The following ZNF454 variants were observed in gnomAD, a reference collection of about 807,000 sequenced individuals.
ZNF454 encodes zinc finger protein 454.
Under a neutral mutation model 48.2 loss-of-function variants are expected in ZNF454, and 30 were observed. The ratio of observed to expected loss-of-function variants is 0.62; its 90% CI spans 0.47 to 0.84. The LOEUF is 0.84. Among genes scored for constraint, ZNF454 ranks in the 40% least tolerant of loss-of-function variants. The pLI is 0.00. For synonymous variants in ZNF454, 204 were observed against 211.4 expected (o/e 0.97, Z 0.30); for missense variants, 510 against 623.1 (o/e 0.82, Z 1.93).
At chr5:178,956,616 C>T (rs746300717) in intron 4 of ZNF454, among the ~76,000 whole-genome samples, 23 of 150,480 alleles carry the variant, frequency 1.5e-4, no homozygotes, top group Non-Finnish European at 2.8e-4. Flanking sequence ...GGAAGAGGAT[C>T]TGGGCACCTA....
chr5:178,970,032 C>CATATTCACTA (rs1220538040), downstream of ZNF454, among the ~76,000 whole-genome samples: 1 of 152,186 alleles, frequency 6.6e-6, no homozygotes, highest in East Asian at 1.9e-4. Context: ...TACCTTCCTC[C>CATATTCACTA]ATATTCACTA....
At chr5:178,961,689 G>A (rs535573640) in intron 4 of ZNF454, among the ~76,000 whole-genome samples, 1 of 150,986 alleles carries the variant, frequency 6.6e-6, no homozygotes, top group Non-Finnish European at 1.5e-5. Context: ...GCATGGCAGC[G>A]TGCACCTGTA....
intron 1 of ZNF454, among the ~76,000 whole-genome samples, chr5:178,942,087 C>T (rs1329191897): frequency 2.0e-5 from 3 of 152,138 alleles, no homozygotes; most frequent in African/African-American, 7.2e-5. Flanking sequence ...CTGGTGGGTT[C>T]TGGAGCTGAA....
chr5:178,968,115 A>ACACACG (rs956350207), downstream of ZNF454, among the ~76,000 whole-genome samples: 7 of 142,286 alleles, frequency 4.9e-5, no homozygotes, highest in Admixed American at 4.9e-4. Flanking sequence ...TCACACACAC[A>ACACACG]CACACACACA....
the ZNF454 span, among the ~76,000 whole-genome samples, chr5:178,976,912 T>C: frequency 6.6e-6 from 1 of 152,168 alleles, no homozygotes; most frequent in Admixed American, 6.5e-5. Flanking sequence ...TCAGACCCAA[T>C]CTGGCAGATT....
At chr5:178,981,997 G>C in the ZNF454 span, 1 of 751,410 alleles carries the variant, frequency 1.3e-6, no homozygotes. This position sits in a 1 kb window ranked among gnomAD's most constrained non-coding sequence, Gnocchi z 5.1. Context: ...ACAACAGTAT[G>C]AGCAGGGGCC....
At chr5:178,956,519 G>GA (rs397955241) in intron 4 of ZNF454, among the ~76,000 whole-genome samples, 70,852 of 112,816 alleles carry the variant, frequency 0.63, 23,824 homozygotes, top group Non-Finnish European at 0.76. Flanking sequence ...CTCCTGAAAA[G>GA]AAAAAAAAAA....
At chr5:178,986,883 G>C in the ZNF454 span, 1 of 1,614,112 alleles carries the variant, frequency 6.2e-7, no homozygotes, top group Non-Finnish European at 8.5e-7. Context: ...CCTGGTACCC[G>C]CCACTGCTGG....
the ZNF454 span, among the ~76,000 whole-genome samples, chr5:178,971,838 G>A: frequency 9.0e-6 from 1 of 111,000 alleles, no homozygotes; most frequent in Non-Finnish European, 1.8e-5. Context: ...GCTGGGCAGC[G>A]AGACTCCATC....
the ZNF454 span, chr5:178,983,345 C>T: frequency 1.2e-6 from 1 of 852,702 alleles, no homozygotes; most frequent in African/African-American, 1.7e-5. Flanking sequence ...GATGCTCCAC[C>T]TCTTCGTGGT....
chr5:178,965,252 G>T lies in ZNF454; in HGVS notation c.848G>T (p.Arg283Leu), dbSNP rs371185640. The part of the protein sequence containing the change: ...ECNLCGKAFI[R>L]NIHLAHHHRI... ...AACTTATGTGGAAAAGCTTTTATCC[G>T]AAATATACACCTTGCCCATCATCAT... Residue 283 changes from arginine to leucine, a missense_variant, in exon 5 of 5, where the codon CGA becomes CTA. Physicochemically the swap from Arg to Leu is moderately radical, Grantham distance 102. Around this residue, in one of 3 missense-constraint regions of ZNF454, gnomAD observed 354 missense variants for 408.9 expected, o/e 0.87. Coordinates refer to ENST00000519564, the MANE Select transcript of ZNF454 (RefSeq NM_001178089.3). This position sits in a 1 kb window ranked among gnomAD's most constrained non-coding sequence, Gnocchi z 5.2. The T allele has an allele frequency of 1.9e-6, 3 of 1,614,106 alleles. No individual in the cohort carries two copies. Among genetic ancestry groups the T allele is most frequent in the Non-Finnish European group, 2.5e-6 (3 of 1,180,022 alleles).
In ZNF454 at chr5:178,946,796, C is replaced by G. The variant is rs1759354556; in HGVS notation, c.161-101C>G. The G allele has an allele frequency of 6.2e-6, 7 of 1,125,374 alleles. No individual in the cohort carries two copies. The highest frequency in any genetic ancestry group is 6.5e-6 in the Non-Finnish European group (5 of 763,694). The allele number at this position is 1,125,374 out of a possible 1,614,324, so 69.7% of individuals were successfully genotyped here. A position where few individuals can be genotyped will look rare whatever the true frequency, so the allele number is the denominator to read the frequency against. On this transcript the variant is annotated intron_variant, in intron 3 of 4. Transcript: ENST00000519564. The surrounding 1 kb of genome is among the most constrained non-coding windows in gnomAD (Gnocchi z 4.5). ...TGACCCTGGGCTTTCCTATCAAGTC[C>G]CATTTCCCAGCAAGCTCTGAGGACC...
chr5:178,986,000 G>A, the ZNF454 span: 2 of 814,584 alleles, frequency 2.5e-6, no homozygotes, highest in Admixed American at 5.4e-5. Flanking sequence ...GGACTCAGGT[G>A]ATCCACCCAC....
At chr5:178,985,700 CTAA>C in the ZNF454 span, 1 of 248,038 alleles carries the variant, frequency 4.0e-6, no homozygotes, top group Admixed American at 5.4e-5. Context: ...GAGACTCTGT[CTAA>C]AAAAAAAAAA....
chr5:178,942,752 A>C lies in ZNF454; in HGVS notation c.-40A>C, dbSNP rs1411427388. 1.9e-6 allele frequency: 3 copies of C among 1,613,582 alleles called. No homozygotes were observed. In the East Asian group the frequency reaches 6.7e-5, roughly 36 times the overall value. Reference sequence around the variant, plus strand: ...GAAGCTCCACACCTGCCTCCATAGCACTTTGCCTGTCCCTAAGAGGGCTCA... The same window carrying C: ...GAAGCTCCACACCTGCCTCCATAGCCCTTTGCCTGTCCCTAAGAGGGCTCA... On this transcript the variant is annotated 5_prime_UTR_variant, in exon 2 of 5. Transcript: ENST00000519564.
intron 4 of ZNF454, among the ~76,000 whole-genome samples, chr5:178,952,350 A>G (rs1398000588): frequency 6.6e-6 from 1 of 152,160 alleles, no homozygotes; most frequent in East Asian, 1.9e-4. Context: ...ACATCTTTTC[A>G]TATATTTATT....
At chr5:178,976,227 T>C in the ZNF454 span, 1 of 384,024 alleles carries the variant, frequency 2.6e-6, no homozygotes, top group South Asian at 1.9e-5. Context: ...GCTGCCCCAT[T>C]CTCTGTACCC....
chr5:178,976,502 C>T, the ZNF454 span, among the ~76,000 whole-genome samples: 1 of 152,100 alleles, frequency 6.6e-6, no homozygotes, highest in South Asian at 2.1e-4. Flanking sequence ...AGATGGGGTC[C>T]TGGGACTGCT....
At chr5:178,987,102 G>T in the ZNF454 span, 1 of 1,054,044 alleles carries the variant, frequency 9.5e-7, no homozygotes, top group Non-Finnish European at 1.4e-6. Context: ...TGCTCATAAG[G>T]GACGTGCAAA....
Sources: allele counts gnomAD v4.1 joint callset (sites outside exome capture counted in the v4.1 genomes callset), GRCh38; gene constraint gnomAD v4.1.1; regional missense constraint gnomAD v4.1.1; non-coding constraint Gnocchi (gnomAD v3.1); transcripts MANE v1.5; gene names NCBI Gene and HGNC (gene_info 2026-07-23, HGNC 2026-07-21).